Variants in FRMD4A observed in about 807,000 individuals in gnomAD.
FRMD4A encodes FERM domain containing 4A.
Under a neutral mutation model 129.1 loss-of-function variants are expected in FRMD4A, and 29 were observed. The ratio of observed to expected loss-of-function variants is 0.22; its 90% CI spans 0.17 to 0.31. FRMD4A has a LOEUF of 0.31. FRMD4A is among the 10% of genes least tolerant of loss of function. FRMD4A has a pLI of 1.00. For synonymous variants in FRMD4A, 634 were observed against 571.6 expected, an observed-to-expected ratio of 1.11 and a Z score of -1.56; for missense variants, 1,272 against 1,375.8, an observed-to-expected ratio of 0.92 and a Z score of 1.19.
At chr10:13,814,580 C>CAAAAAAAAAAA (rs553044764) in intron 3 of FRMD4A, among the ~76,000 whole-genome samples, 5 of 41,388 alleles carry the variant, frequency 1.2e-4, no homozygotes, top group Non-Finnish European at 1.7e-4. Context: ...GACCCTGTTT[C>CAAAAAAAAAAA]AAAAAAAAAA....
intron 2 of FRMD4A, among the ~76,000 whole-genome samples, chr10:14,227,604 C>G (rs921605180): frequency 5.3e-5 from 8 of 152,076 alleles, no homozygotes; most frequent in African/African-American, 1.9e-4. Context: ...TTGAGCGTCA[C>G]TTACACCAAG....
intron 2 of FRMD4A, among the ~76,000 whole-genome samples, chr10:14,187,657 T>G (rs551341358): frequency 2.4e-3 from 360 of 152,290 alleles, no homozygotes; most frequent in Non-Finnish European, 3.5e-3. Context: ...GGCATGCGCC[T>G]GTGGTCCCAG....
At chr10:13,769,834 T>C (rs1002183014) in intron 6 of FRMD4A, among the ~76,000 whole-genome samples, 3 of 152,140 alleles carry the variant, frequency 2.0e-5, no homozygotes, top group East Asian at 3.9e-4. Flanking sequence ...AGCTGGGACA[T>C]CACATTTCAT....
chr10:13,855,985 ATATG>A (rs2131027993), intron 3 of FRMD4A, among the ~76,000 whole-genome samples: 1 of 150,886 alleles, frequency 6.6e-6, no homozygotes, highest in Non-Finnish European at 1.5e-5. Context: ...ATAAATATAT[ATATG>A]TATTTAGCTT....
chr10:14,207,886 A>T (rs1842831332), intron 2 of FRMD4A, among the ~76,000 whole-genome samples: 1 of 152,146 alleles, frequency 6.6e-6, no homozygotes, highest in Non-Finnish European at 1.5e-5. Flanking sequence ...AGTCAGTATA[A>T]ACCTCACCTT....
chr10:13,947,743 T>A (rs2095342664), intron 2 of FRMD4A, among the ~76,000 whole-genome samples: 2 of 152,126 alleles, frequency 1.3e-5, no homozygotes, highest in South Asian at 4.1e-4. Flanking sequence ...AGAACATAGA[T>A]CCTTCTGCCA....
intron 5 of FRMD4A, among the ~76,000 whole-genome samples, chr10:13,787,592 C>G (rs1037005312): frequency 2.6e-5 from 4 of 152,122 alleles, no homozygotes; most frequent in Admixed American, 1.3e-4. Flanking sequence ...TCCCAGATAG[C>G]TGGGACTACA....
chr10:13,721,393 A>G (rs2089391349), intron 12 of FRMD4A, among the ~76,000 whole-genome samples: 1 of 152,162 alleles, frequency 6.6e-6, no homozygotes, highest in South Asian at 2.1e-4. Flanking sequence ...GAGGGAGGAG[A>G]ATCGCTGGAA....
At chr10:14,033,848 AAAG>A (rs761297642) in intron 2 of FRMD4A, among the ~76,000 whole-genome samples, 17 of 152,060 alleles carry the variant, frequency 1.1e-4, no homozygotes, top group Non-Finnish European at 1.9e-4. Flanking sequence ...AGAAAAGAAA[AAAG>A]AAAAGAAAAG....
chr10:14,003,577 T>A (rs1314238077), intron 2 of FRMD4A: 1 of 152,234 alleles, frequency 6.6e-6, no homozygotes, highest in African/African-American at 2.4e-5. Flanking sequence ...ACAGCAACTC[T>A]GTAAGTATTT....
intron 12 of FRMD4A, among the ~76,000 whole-genome samples, chr10:13,733,099 G>A (rs1180602384): frequency 1.3e-5 from 2 of 152,254 alleles, no homozygotes; most frequent in East Asian, 1.9e-4. Context: ...TTTGGCTTAG[G>A]TGCGGACTTG....
rs187473602 is a variant in FRMD4A, at chr10:13,933,130, C to T, written c.46-74218G>A. On this transcript the variant is annotated intron_variant, in intron 2 of 24. Coordinates refer to ENST00000357447, the MANE Select transcript of FRMD4A (RefSeq NM_018027.5). ...GAACTGAGATTGTGCCATTTCACTA[C>T]AGCCTGGACAAGAGCAAAACTCTGT... Among the ~76,000 whole-genome samples, 45 of 151,796 alleles carry T rather than the reference C, an allele frequency of 3.0e-4. No individual in the cohort carries two copies. The East Asian group carries it at 7.7e-3, about 26-fold the overall frequency.
Position 14,039,407 on chromosome 10 carries a change from C to CATCCATCT in FRMD4A, c.46-180496_46-180495insAGATGGAT, listed in dbSNP as rs1285305420. 6.6e-4 allele frequency among the ~76,000 whole-genome samples: 98 copies of CATCCATCT among 147,808 alleles called. 1 individual carries two copies. The highest frequency in any genetic ancestry group is 4.1e-3 in the East Asian group (21 of 5,110). ...CCATCCATCCATCCATCCATCCATC[C>CATCCATCT]ATCTATCTATCTATCTATCTATCTA... is the stretch of plus-strand genomic sequence containing the variant. On this transcript the variant is annotated intron_variant, in intron 2 of 24. Coordinates refer to ENST00000357447, the MANE Select transcript of FRMD4A (RefSeq NM_018027.5).
At chr10:13,769,664 T>C (rs79021342) in intron 6 of FRMD4A, among the ~76,000 whole-genome samples, 2,153 of 152,252 alleles carry the variant, frequency 0.014, 99 homozygotes, top group South Asian at 0.12. Context: ...TGTTTCTGGA[T>C]GAGATCAGCA....
chr10:14,128,046 CTCTTTCTT>C (rs534411383), intron 2 of FRMD4A, among the ~76,000 whole-genome samples: 8,200 of 77,620 alleles, frequency 0.11, 671 homozygotes, highest in Middle Eastern at 0.16. Flanking sequence ...CTTTCTTTCC[CTCTTTCTT>C]TCTTTCTTTC....
chr10:14,117,091 C>T (rs903192331), intron 2 of FRMD4A, among the ~76,000 whole-genome samples: 1 of 152,210 alleles, frequency 6.6e-6, no homozygotes, highest in Admixed American at 6.5e-5. Flanking sequence ...CTGAGTACAG[C>T]AGAGATACCT....
At chr10:13,984,434 C>T (rs1370570343) in intron 2 of FRMD4A, among the ~76,000 whole-genome samples, 1 of 152,068 alleles carries the variant, frequency 6.6e-6, no homozygotes, top group South Asian at 2.1e-4. Context: ...TTAAATGTGC[C>T]GTTCAGTGGC....
chr10:14,148,447 A>C (rs1840183480), intron 2 of FRMD4A, among the ~76,000 whole-genome samples: 1 of 152,012 alleles, frequency 6.6e-6, no homozygotes, highest in African/African-American at 2.4e-5. Flanking sequence ...CAAGAGAAAA[A>C]CCCTTTTGGT....
At chr10:14,161,295 C>A (rs1010607947) in intron 2 of FRMD4A, among the ~76,000 whole-genome samples, 1 of 152,138 alleles carries the variant, frequency 6.6e-6, no homozygotes, top group Non-Finnish European at 1.5e-5. Context: ...AGCTACCATA[C>A]AATCCAACAA....
Sources: allele counts gnomAD v4.1 joint callset (sites outside exome capture counted in the v4.1 genomes callset), GRCh38; gene constraint gnomAD v4.1.1; transcripts MANE v1.5; gene names NCBI Gene and HGNC (gene_info 2026-07-23, HGNC 2026-07-21).